TBXAS1: variants seen among roughly 807,000 people sequenced by gnomAD.
TBXAS1 encodes thromboxane A synthase 1.
Under a neutral mutation model 60.7 loss-of-function variants are expected in TBXAS1, and 48 were observed. The ratio of observed to expected loss-of-function variants is 0.79; its 90% CI spans 0.63 to 1.01. The LOEUF is 1.01. TBXAS1 is among the 50% of genes least tolerant of loss of function. The pLI is 0.00. For missense variants in TBXAS1, 685 were observed against 686.3 expected, an observed-to-expected ratio of 1.00 and a Z score of 0.02; for synonymous variants, 287 against 269.7, an observed-to-expected ratio of 1.06 and a Z score of -0.63.
intron 8 of TBXAS1, among the ~76,000 whole-genome samples, chr7:139,961,385 A>T (rs1810323551): frequency 6.6e-6 from 1 of 152,218 alleles, no homozygotes. Context: ...CCATTGTTTT[A>T]TTGTTGGAAA....
In TBXAS1 at chr7:139,962,111, T is replaced by C; in HGVS notation, c.1012T>C (p.Phe338Leu). The C allele has an allele frequency of 3.1e-6, 5 of 1,614,234 alleles. No homozygotes were observed. Among genetic ancestry groups the C allele is most frequent in the Non-Finnish European group, 4.2e-6 (5 of 1,180,036 alleles). ...TGAGATTGTGGGCCAGGCCTTCATC[T>C]TCCTCATCGCTGGCTATGAAATCAT... The part of the protein sequence containing the change: ...VDEIVGQAFI[F>L]LIAGYEIITN... The change falls in exon 9 of 13, where the codon TTC becomes CTC. Residue 338 changes from phenylalanine (F) to leucine (L), a missense_variant. Coordinates refer to ENST00000448866, the MANE Select transcript of TBXAS1 (RefSeq NM_001061.7).
chr7:140,008,513 T>C (rs2116400061), intron 10 of TBXAS1, among the ~76,000 whole-genome samples: 1 of 150,140 alleles, frequency 6.7e-6, no homozygotes, highest in South Asian at 2.1e-4. Flanking sequence ...AATGGTGTGA[T>C]CTTGGCTCAC....
chr7:139,958,854 C>A (rs1021463312), intron 8 of TBXAS1, among the ~76,000 whole-genome samples: 4 of 152,236 alleles, frequency 2.6e-5, no homozygotes, highest in African/African-American at 9.6e-5. Flanking sequence ...AACTGGCATC[C>A]CTGCCCCAGC....
At chr7:139,952,625 C>T in intron 5 of TBXAS1, 1 of 1,537,236 alleles carries the variant, frequency 6.5e-7, no homozygotes, top group South Asian at 1.2e-5. Flanking sequence ...GAATTCCACC[C>T]ACCCGTTTGT....
chr7:139,849,666 G>C (rs1800075622), intron 1 of TBXAS1, among the ~76,000 whole-genome samples: 1 of 152,180 alleles, frequency 6.6e-6, no homozygotes, highest in Admixed American at 6.5e-5. Context: ...CTCTAGGAAG[G>C]GCAAAGAATT....
rs375632883 is a variant in TBXAS1, at chr7:139,890,999, A to C, written c.236+15362A>C. The stretch of plus-strand genomic sequence containing the variant: ...TGCCGTAGATCTCATTCTATTCCTT[A>C]GTTTTTTCATTTAGCACTGTGCTTT... On this transcript the variant is annotated intron_variant, in intron 3 of 12. Transcript: ENST00000448866. Among the ~76,000 whole-genome samples the C allele has an allele frequency of 1.9e-4, 29 of 151,604 alleles. 1 individual carries two copies. In the East Asian group the frequency reaches 5.0e-3, roughly 26 times the overall value.
Position 139,896,767 on chromosome 7 carries a change from AAC to A in TBXAS1, c.237-14454_237-14453del, listed in dbSNP as rs1159048179. On this transcript the variant is annotated intron_variant, in intron 3 of 12. Transcript: ENST00000448866. This position sits in a 1 kb window ranked among gnomAD's most constrained non-coding sequence, Gnocchi z 4.0. Reference sequence around the variant, plus strand: ...GCACCGTGAACTGAGAACGTTTGGAAACACAGGTATAAGAGGAATGGGGTGAG... The same window carrying A: ...GCACCGTGAACTGAGAACGTTTGGAAACAGGTATAAGAGGAATGGGGTGAG... Among the ~76,000 whole-genome samples, 1 of 152,180 alleles carries A rather than the reference AAC, an allele frequency of 6.6e-6. No individual in the cohort carries two copies. The highest frequency in any genetic ancestry group is 2.4e-5 in the African/African-American group (1 of 41,428).
chr7:139,838,193 TC>T (rs1339609541), intron 1 of TBXAS1, among the ~76,000 whole-genome samples: 2 of 152,178 alleles, frequency 1.3e-5, no homozygotes, highest in Admixed American at 6.5e-5. Flanking sequence ...CTGTGAATGG[TC>T]CTTTGTTGCT....
chr7:139,802,790 AAAG>A (rs746632263), intron 4 of TBXAS1, among the ~76,000 whole-genome samples: 95 of 152,128 alleles, frequency 6.2e-4, no homozygotes, highest in Middle Eastern at 6.8e-3. Flanking sequence ...TCTCAAAAGA[AAAG>A]AAGAAGAAGA....
rs543858768 is a variant in TBXAS1, at chr7:139,823,143, T to A, written c.-79-6169T>A. Among the ~76,000 whole-genome samples, 7 of 151,908 alleles carry A rather than the reference T, an allele frequency of 4.6e-5. No individual in the cohort carries two copies. In the East Asian group the frequency reaches 1.4e-3, roughly 30 times the overall value. The stretch of plus-strand genomic sequence containing the variant: ...CATCTGCACAGTCTAAGCTCAAATG[T>A]CATTAGATTCAAACCTTTTGCCGAT... On this transcript the variant is annotated intron_variant, in intron 4 of 16. Coordinates refer to the TBXAS1 transcript ENST00000336425.
At chr7:139,932,166 CAAAAAA>C (rs56765418) in intron 4 of TBXAS1, among the ~76,000 whole-genome samples, 2 of 66,412 alleles carry the variant, frequency 3.0e-5, no homozygotes, top group Non-Finnish European at 3.5e-5. Context: ...GACTCCATCT[CAAAAAA>C]AAAAAAAAAA....
At chr7:139,951,998 GAAAGAAAGAAAGAA>G (rs1569518448) in intron 5 of TBXAS1, among the ~76,000 whole-genome samples, 7 of 148,620 alleles carry the variant, frequency 4.7e-5, no homozygotes, top group Admixed American at 4.0e-4. Context: ...AAGAAAGAAA[GAAAGAAAGAAAGAA>G]AAAGAAAGGA....
At chr7:139,857,914 T>G (rs973470720) in intron 1 of TBXAS1, among the ~76,000 whole-genome samples, 2 of 151,918 alleles carry the variant, frequency 1.3e-5, no homozygotes, top group African/African-American at 4.8e-5. Flanking sequence ...AAATTTTTTT[T>G]GTAGAGGTGG....
intron 9 of TBXAS1, among the ~76,000 whole-genome samples, chr7:140,000,889 A>G (rs1190470815): frequency 6.6e-6 from 1 of 152,238 alleles, no homozygotes; most frequent in Non-Finnish European, 1.5e-5. Flanking sequence ...TCAAACAGAA[A>G]TATCACCTGC....
rs866364459 is a variant in TBXAS1, at chr7:140,015,708, T to C, written c.1227-15T>C. 5 of 1,612,722 alleles carry C rather than the reference T, an allele frequency of 3.1e-6. No homozygotes were observed. The highest frequency in any genetic ancestry group is 1.7e-4 in the Middle Eastern group (1 of 6,048). On this transcript the variant is annotated splice_polypyrimidine_tract_variant and intron_variant, in intron 10 of 12. Transcript: ENST00000448866. Reference sequence around the variant, plus strand: ...CTCTTCTCTGTATCCACCCCCGACCTGGTGTTTCCCTCAGATTCACACGGG... The same window carrying C: ...CTCTTCTCTGTATCCACCCCCGACCCGGTGTTTCCCTCAGATTCACACGGG...
At chr7:139,928,414 T>A (rs188125008) in intron 4 of TBXAS1, among the ~76,000 whole-genome samples, 7 of 152,328 alleles carry the variant, frequency 4.6e-5, no homozygotes, top group Admixed American at 4.6e-4. Flanking sequence ...ACGAGTGACA[T>A]TGGCTTATAA....
intron 4 of TBXAS1, among the ~76,000 whole-genome samples, chr7:139,812,696 T>C (rs1798047265): frequency 6.6e-6 from 1 of 152,172 alleles, no homozygotes; most frequent in South Asian, 2.1e-4. Context: ...CCCTGTGTCT[T>C]GCATTGATAA....
In TBXAS1 at chr7:139,895,179, T is replaced by C. The variant is rs983671929; in HGVS notation, c.237-16046T>C. ...GAGGTGAGGGCAAAGAATGTTCCAC[T>C]CAGTAAAAACAGCCAGAGAAAAGCC... On this transcript the variant is annotated intron_variant, in intron 3 of 12. Transcript: ENST00000448866. Among the ~76,000 whole-genome samples, 4 of 152,078 alleles carry C rather than the reference T, an allele frequency of 2.6e-5. No homozygotes were observed. The East Asian group carries it at 7.7e-4, about 29-fold the overall frequency.
chr7:139,925,147 G>T (rs1465209102), intron 4 of TBXAS1, among the ~76,000 whole-genome samples: 1 of 152,136 alleles, frequency 6.6e-6, no homozygotes, highest in African/African-American at 2.4e-5. Flanking sequence ...TGGGTCTTTT[G>T]TGTTTCCATA....
Sources: gnomAD v4.1 joint callset for allele counts (sites outside exome capture counted in the v4.1 genomes callset) on GRCh38, gnomAD v4.1.1 for gene constraint, Gnocchi (gnomAD v3.1) non-coding constraint, MANE v1.5 for transcripts, NCBI Gene and HGNC (gene_info 2026-07-23, HGNC 2026-07-21) for gene names.